The following TRAPPC9 variants were observed in gnomAD, a reference collection of about 807,000 sequenced individuals.
The protein encoded by TRAPPC9 is IKK2 binding protein.
TRAPPC9 carries 83 observed loss-of-function variants against 124.0 expected under a neutral mutation model. That is an observed-to-expected ratio of 0.67 (90% CI 0.56 to 0.80). The LOEUF is 0.80. Among genes scored for constraint, TRAPPC9 ranks in the 30% least tolerant of loss-of-function variants. The pLI is 0.00. For synonymous variants in TRAPPC9, 638 were observed against 617.5 expected, an observed-to-expected ratio of 1.03 and a Z score of -0.49; for missense variants, 1,302 against 1,508.3, an observed-to-expected ratio of 0.86 and a Z score of 2.27.
intron 21 of TRAPPC9, among the ~76,000 whole-genome samples, chr8:139,800,137 C>T (rs975390674): frequency 2.6e-5 from 4 of 152,362 alleles, no homozygotes; most frequent in East Asian, 1.9e-4. Context: ...GGCCAGACTG[C>T]GCTCCTGCCG....
At chr8:139,834,517 A>G (rs1309227654) in intron 21 of TRAPPC9, among the ~76,000 whole-genome samples, 4 of 152,260 alleles carry the variant, frequency 2.6e-5, no homozygotes, top group Non-Finnish European at 5.9e-5. Context: ...CACCGCCAGC[A>G]GGCAGGCGGA....
intron 17 of TRAPPC9, among the ~76,000 whole-genome samples, chr8:140,172,652 C>T (rs1044736429): frequency 2.6e-5 from 4 of 152,202 alleles, no homozygotes; most frequent in African/African-American, 4.8e-5. Flanking sequence ...GCAGCTGACA[C>T]TTCCTGACAC....
At position 139,728,083 on chromosome 8, in the gene TRAPPC9, A is replaced by G. The variant is rs984236912; in HGVS notation, c.*2978T>C. 2.6e-5 allele frequency among the ~76,000 whole-genome samples: 4 copies of G among 152,206 alleles called. No homozygotes were observed. Among genetic ancestry groups the G allele is most frequent in the Admixed American group, 2.6e-4 (4 of 15,282 alleles). Reference sequence around the variant, plus strand: ...CTGATATGAAAGTGTCCATGAAATAAGTATTTTTATCTCTATTTATTCAGA... The same window carrying G: ...CTGATATGAAAGTGTCCATGAAATAGGTATTTTTATCTCTATTTATTCAGA... On this transcript the variant is annotated 3_prime_UTR_variant, in exon 23 of 23. Transcript: ENST00000438773.
intron 17 of TRAPPC9, among the ~76,000 whole-genome samples, chr8:140,183,695 A>G (rs763080863): frequency 1.3e-5 from 2 of 151,316 alleles, no homozygotes; most frequent in Non-Finnish European, 2.9e-5. Context: ...TCTCTACTAA[A>G]AATACAAAAA....
chr8:140,342,788 G>A (rs1384556453), intron 9 of TRAPPC9, among the ~76,000 whole-genome samples: 1 of 152,138 alleles, frequency 6.6e-6, no homozygotes, highest in African/African-American at 2.4e-5. Context: ...ATATATCCTT[G>A]GCAATACAAA....
At chr8:140,145,233 A>G (rs149422345) in intron 17 of TRAPPC9, among the ~76,000 whole-genome samples, 11 of 152,040 alleles carry the variant, frequency 7.2e-5, no homozygotes, top group African/African-American at 2.7e-4. Context: ...CATACTGACA[A>G]TCCTCTCATC....
At chr8:140,152,235 TAAAAAAAA>T (rs71320343) in intron 17 of TRAPPC9, among the ~76,000 whole-genome samples, 1 of 106,710 alleles carries the variant, frequency 9.4e-6, no homozygotes, top group Admixed American at 1.0e-4. Flanking sequence ...ACTTAAGCTT[TAAAAAAAA>T]AAAAAAAAAA....
chr8:140,307,574 G>C (rs1197723726), intron 10 of TRAPPC9, among the ~76,000 whole-genome samples: 4 of 152,192 alleles, frequency 2.6e-5, no homozygotes, highest in African/African-American at 9.7e-5. Flanking sequence ...GGCATACACT[G>C]TTGGCTGGCT....
At chr8:140,073,042 T>G (rs1843282309) in intron 17 of TRAPPC9, among the ~76,000 whole-genome samples, 1 of 152,180 alleles carries the variant, frequency 6.6e-6, no homozygotes, top group Non-Finnish European at 1.5e-5. Flanking sequence ...TAGAATGTGA[T>G]CCCACTGTAC....
intron 15 of TRAPPC9, among the ~76,000 whole-genome samples, chr8:140,254,381 G>C (rs7013680): frequency 0.11 from 17,446 of 152,142 alleles, 1,717 homozygotes; most frequent in African/African-American, 0.27. Flanking sequence ...GCCTCCCCCA[G>C]CCCCTGGGCA....
chr8:139,922,218 G>C (rs1832557888), intron 19 of TRAPPC9, among the ~76,000 whole-genome samples: 1 of 148,498 alleles, frequency 6.7e-6, no homozygotes. Flanking sequence ...TTGCTCTGTT[G>C]ACTAGGCTAG....
In TRAPPC9 at chr8:140,163,260, G is replaced by A. The variant is rs183309192; in HGVS notation, c.2556+58199C>T. Among the ~76,000 whole-genome samples, 27 of 152,206 alleles carry A rather than the reference G, an allele frequency of 1.8e-4. 1 individual carries two copies. In the East Asian group the frequency reaches 4.7e-3, roughly 26 times the overall value. On this transcript the variant is annotated intron_variant, in intron 17 of 22. Coordinates refer to ENST00000438773, the MANE Select transcript of TRAPPC9 (RefSeq NM_001160372.4). ...AGCACAGCAGCTTGGTCTGCCTCAC[G>A]GTGACTTTCAAAGCCAAATTCCTCG...
At chr8:140,440,036 T>A (rs1416060075) in intron 2 of TRAPPC9, among the ~76,000 whole-genome samples, 2 of 152,058 alleles carry the variant, frequency 1.3e-5, no homozygotes, top group Non-Finnish European at 2.9e-5. Flanking sequence ...CTCTAACGAG[T>A]TCAACAAACT....
chr8:139,902,386 C>A (rs10097473), intron 20 of TRAPPC9, among the ~76,000 whole-genome samples: 2 of 152,064 alleles, frequency 1.3e-5, no homozygotes, highest in African/African-American at 2.4e-5. Context: ...GACGGCCTCG[C>A]TGGCTGGCAA....
At chr8:140,013,922 G>C (rs952569227) in intron 18 of TRAPPC9, among the ~76,000 whole-genome samples, 2 of 152,198 alleles carry the variant, frequency 1.3e-5, no homozygotes, top group Non-Finnish European at 2.9e-5. Flanking sequence ...ATGAGCAGGA[G>C]AATCAACACT....
chr8:140,289,920 T>A (rs1174387328), intron 12 of TRAPPC9, among the ~76,000 whole-genome samples: 1 of 152,094 alleles, frequency 6.6e-6, no homozygotes, highest in Admixed American at 6.5e-5. Context: ...TCAGACAGAT[T>A]TCGGGAAACT....
rs189429072 is a variant in TRAPPC9, at chr8:140,013,174, G to A, written c.2699+10763C>T. The stretch of plus-strand genomic sequence containing the variant: ...CTTGGGTACCTGCTCGGCAGGTAAG[G>A]GCCAGATGGAGTTCAAGCCCATCAA... On this transcript the variant is annotated intron_variant, in intron 18 of 22. Transcript: ENST00000438773. 6.7e-3 allele frequency among the ~76,000 whole-genome samples: 1,013 copies of A among 152,246 alleles called. 16 individuals carry two copies. The highest frequency in any genetic ancestry group is 0.023 in the African/African-American group (964 of 41,532).
chr8:140,045,631 GAAAAAAAA>G (rs57243402), intron 17 of TRAPPC9, among the ~76,000 whole-genome samples: 8 of 33,252 alleles, frequency 2.4e-4, no homozygotes, highest in African/African-American at 4.4e-4. Flanking sequence ...CATCTCGGCA[GAAAAAAAA>G]AAAAAAAAAA....
At chr8:139,931,148 G>A (rs570029647) in intron 19 of TRAPPC9, 12 of 152,212 alleles carry the variant, frequency 7.9e-5, no homozygotes, top group South Asian at 2.1e-4. Context: ...TGAGATCCTC[G>A]GGAAACACTT....
Sources: gnomAD v4.1 joint callset for allele counts (sites outside exome capture counted in the v4.1 genomes callset) on GRCh38, gnomAD v4.1.1 for gene constraint, MANE v1.5 for transcripts, NCBI Gene and HGNC (gene_info 2026-07-23, HGNC 2026-07-21) for gene names.